KIAA1958: variants seen among roughly 807,000 people sequenced by gnomAD.
The protein encoded by KIAA1958 is KIAA1958, also known as uncharacterized protein KIAA1958.
In KIAA1958, 14 loss-of-function variants were observed where a neutral mutation model predicts 47.2. That is an observed-to-expected ratio of 0.30 (90% confidence interval 0.20 to 0.46). KIAA1958 has a LOEUF of 0.46. KIAA1958 is among the 20% of genes least tolerant of loss of function. The pLI, the probability that KIAA1958 is intolerant of heterozygous loss-of-function variation, is 1.00. For missense variants in KIAA1958, 803 were observed against 909.2 expected (o/e 0.88, Z 1.50); for synonymous variants, 354 against 353.3 (o/e 1.00, Z -0.02).
chr9:112,579,878 C>T (rs924368083), intron 2 of KIAA1958, among the ~76,000 whole-genome samples: 15 of 152,210 alleles, frequency 9.9e-5, no homozygotes, highest in African/African-American at 3.6e-4. Flanking sequence ...AGAGAATTGA[C>T]TGCCTTATAG....
At chr9:112,495,056 CTG>C in intron 1 of KIAA1958, among the ~76,000 whole-genome samples, 1 of 151,848 alleles carries the variant, frequency 6.6e-6, no homozygotes, top group East Asian at 1.9e-4. Flanking sequence ...GTAGCTAGGA[CTG>C]TGGATGTGTG....
At chr9:112,592,404 T>C (rs1157436199) in intron 2 of KIAA1958, among the ~76,000 whole-genome samples, 1 of 152,158 alleles carries the variant, frequency 6.6e-6, no homozygotes, top group East Asian at 1.9e-4. Flanking sequence ...AGCATAGAAT[T>C]TAGATAAGAC....
At chr9:112,594,870 C>T (rs1225765750) in intron 2 of KIAA1958, among the ~76,000 whole-genome samples, 1 of 152,206 alleles carries the variant, frequency 6.6e-6, no homozygotes, top group Non-Finnish European at 1.5e-5. Flanking sequence ...GGTCCAGTTT[C>T]TCCACATCCC....
intron 2 of KIAA1958, among the ~76,000 whole-genome samples, chr9:112,636,072 AT>A (rs555863903): frequency 4.0e-5 from 6 of 149,090 alleles, no homozygotes; most frequent in East Asian, 1.9e-4. Flanking sequence ...ATTCTCATTG[AT>A]TTTTTTTCTT....
intron 1 of KIAA1958, among the ~76,000 whole-genome samples, chr9:112,515,259 T>G (rs1475841184): frequency 6.1e-5 from 4 of 66,084 alleles, no homozygotes; most frequent in Non-Finnish European, 6.1e-5. Flanking sequence ...GGGAGGGAGG[T>G]GGGGGGGTCA....
chr9:112,571,207 A>C (rs1044693634), intron 1 of KIAA1958, among the ~76,000 whole-genome samples: 2 of 152,234 alleles, frequency 1.3e-5, no homozygotes, highest in Non-Finnish European at 2.9e-5. Context: ...TCCTTAATCC[A>C]GTCAAATTGA....
chr9:112,665,013 T>G lies in KIAA1958; in HGVS notation c.*4944T>G, dbSNP rs1837334931. On this transcript the variant is annotated 3_prime_UTR_variant, in exon 4 of 4. Coordinates refer to ENST00000337530, the MANE Select transcript of KIAA1958 (RefSeq NM_133465.4). ...TGTTCAGTGGTTGACCAGAATCTGA[T>G]TGTTGCGCTCAATTAAAGTGCTTAT... is the stretch of plus-strand genomic sequence containing the variant. 6.9e-6 allele frequency: 1 copy of G among 145,850 alleles called. No homozygotes were observed. The highest frequency in any genetic ancestry group is 2.6e-5 in the African/African-American group (1 of 38,474). The allele number at this position is 145,850 out of a possible 1,614,324, so 9.0% of individuals were successfully genotyped here. A position where few individuals can be genotyped will look rare whatever the true frequency, so the allele number is the denominator to read the frequency against.
chr9:112,516,505 A>G (rs944124539), intron 1 of KIAA1958, among the ~76,000 whole-genome samples: 3 of 152,226 alleles, frequency 2.0e-5, no homozygotes, highest in South Asian at 4.1e-4. Flanking sequence ...AGAAGATGCA[A>G]TATTGTTAAG....
At chr9:112,593,348 C>T (rs547972959) in intron 2 of KIAA1958, among the ~76,000 whole-genome samples, 17 of 152,186 alleles carry the variant, frequency 1.1e-4, no homozygotes, top group South Asian at 4.1e-4. Context: ...TTCCCGGCCA[C>T]GAACTAAAAG....
intron 2 of KIAA1958, among the ~76,000 whole-genome samples, chr9:112,634,631 G>A (rs1188551169): frequency 6.6e-6 from 1 of 152,044 alleles, no homozygotes; most frequent in African/African-American, 2.4e-5. Flanking sequence ...TTGTTACGTA[G>A]GTAAACTTGT....
At chr9:112,621,461 C>T (rs896373432) in intron 2 of KIAA1958, among the ~76,000 whole-genome samples, 5 of 152,136 alleles carry the variant, frequency 3.3e-5, no homozygotes, top group African/African-American at 1.2e-4. Context: ...GTAAGTTTGT[C>T]TTAAGGAAGA....
intron 2 of KIAA1958, among the ~76,000 whole-genome samples, chr9:112,585,384 G>A (rs1391445969): frequency 5.9e-5 from 9 of 152,226 alleles, no homozygotes; most frequent in South Asian, 2.1e-4. Context: ...AAGGAATAAC[G>A]TGAGCAAAGA....
At chr9:112,587,034 A>G (rs1312222766) in intron 2 of KIAA1958, among the ~76,000 whole-genome samples, 1 of 152,238 alleles carries the variant, frequency 6.6e-6, no homozygotes. Context: ...AGCAGAATGC[A>G]GGTGATCCGC....
chr9:112,515,210 T>TG (rs1359409824), intron 1 of KIAA1958, among the ~76,000 whole-genome samples: 1 of 84,268 alleles, frequency 1.2e-5, no homozygotes, highest in African/African-American at 4.3e-5. Context: ...GGGAGGAAGG[T>TG]GGGGGGGTCA....
chr9:112,554,666 C>T (rs1269572150), intron 1 of KIAA1958, among the ~76,000 whole-genome samples: 1 of 152,004 alleles, frequency 6.6e-6, no homozygotes, highest in African/African-American at 2.4e-5. Flanking sequence ...ATTCCCAAAC[C>T]CAACCTCTTG....
intron 3 of KIAA1958, among the ~76,000 whole-genome samples, chr9:112,650,117 A>G (rs1185430788): frequency 6.6e-6 from 1 of 152,126 alleles, no homozygotes; most frequent in Admixed American, 6.5e-5. Context: ...TAACATCTTT[A>G]AAAAGCTGAA....
chr9:112,562,427 C>T (rs374347065), intron 1 of KIAA1958, among the ~76,000 whole-genome samples: 5 of 152,142 alleles, frequency 3.3e-5, no homozygotes, highest in African/African-American at 1.2e-4. Context: ...GCTCTTCACC[C>T]CTGCACTGTC....
chr9:112,603,212 TA>T (rs763275274), intron 2 of KIAA1958, among the ~76,000 whole-genome samples: 7 of 152,160 alleles, frequency 4.6e-5, no homozygotes, highest in Non-Finnish European at 7.4e-5. Context: ...GGTGTTGATT[TA>T]TTTTTTTTTA....
chr9:112,641,224 G>T (rs1004101049), intron 2 of KIAA1958, among the ~76,000 whole-genome samples: 1 of 151,740 alleles, frequency 6.6e-6, no homozygotes, highest in Non-Finnish European at 1.5e-5. Context: ...TTTCATGATT[G>T]AAAATATCTT....
Sources: allele counts gnomAD v4.1 joint callset (sites outside exome capture counted in the v4.1 genomes callset), GRCh38; gene constraint gnomAD v4.1.1; transcripts MANE v1.5; gene names NCBI Gene and HGNC (gene_info 2026-07-23, HGNC 2026-07-21).